Variants in CACNA1C observed in about 807,000 individuals in gnomAD.
CACNA1C encodes voltage-dependent L-type calcium channel subunit alpha-1C.
Under a neutral mutation model 229.0 loss-of-function variants are expected in CACNA1C, and 30 were observed. That is an observed-to-expected ratio of 0.13 (90% CI 0.10 to 0.18). The LOEUF (loss-of-function observed/expected upper bound fraction) is 0.18. Among genes scored for constraint, CACNA1C ranks in the 10% least tolerant of loss-of-function variants. The pLI, the probability that CACNA1C is intolerant of heterozygous loss-of-function variation, is 1.00. For synonymous variants in CACNA1C, 1,114 were observed against 1,132.5 expected (o/e 0.98, Z 0.33); for missense variants, 1,658 against 2,845.0 (o/e 0.58, Z 9.49).
At chr12:2,423,820 C>G (rs897625357) in intron 3 of CACNA1C, among the ~76,000 whole-genome samples, 4 of 152,140 alleles carry the variant, frequency 2.6e-5, no homozygotes, top group Non-Finnish European at 5.9e-5. Flanking sequence ...GAGATGTTTT[C>G]CCCATCTAGC....
chr12:2,676,787 A>G (rs1057383711), intron 39 of CACNA1C: 8 of 198,960 alleles, frequency 4.0e-5, no homozygotes, highest in African/African-American at 1.9e-4. Flanking sequence ...CATAAAAAAA[A>G]CAGGAGATAA....
intron 11 of CACNA1C, among the ~76,000 whole-genome samples, chr12:2,565,196 C>G (rs550770618): frequency 4.6e-5 from 7 of 151,966 alleles, no homozygotes; most frequent in Non-Finnish European, 1.0e-4. Context: ...CGGCCGGGCG[C>G]GGTGGCTCAC....
Position 2,567,642 on chromosome 12 carries a change from G to A in CACNA1C, c.1743G>A (p.Gln581=), listed in dbSNP as rs2154593425. Reference sequence around the variant, plus strand: ...TGAAGATGTACAGCCTGGGCCTGCAGGCCTACTTCGTGTCCCTCTTCAACC... The same window carrying A: ...TGAAGATGTACAGCCTGGGCCTGCAAGCCTACTTCGTGTCCCTCTTCAACC... ...MLLKMYSLGL[Q]AYFVSLFNRF... Residue 581 remains glutamine (Q), a synonymous_variant, in exon 13 of 47, where the codon CAG becomes CAA. Coordinates refer to ENST00000399655, the MANE Select transcript of CACNA1C (RefSeq NM_000719.7). 1 of 1,612,826 alleles carries A rather than the reference G, an allele frequency of 6.2e-7. No homozygotes were observed.
intron 3 of CACNA1C, among the ~76,000 whole-genome samples, chr12:2,203,905 C>T (rs576288976): frequency 5.3e-5 from 8 of 152,328 alleles, no homozygotes; most frequent in African/African-American, 1.4e-4. Flanking sequence ...GTCCCCGGCA[C>T]AGGTCTTTGC....
chr12:2,097,521 A>G (rs556268231), intron 1 of CACNA1C, among the ~76,000 whole-genome samples: 5 of 152,326 alleles, frequency 3.3e-5, no homozygotes, highest in African/African-American at 4.8e-5. Flanking sequence ...CACCAGCAAC[A>G]CATGAAGTTT....
At chr12:2,000,940 G>A (rs1258077872) in intron 1 of CACNA1C, among the ~76,000 whole-genome samples, 1 of 152,120 alleles carries the variant, frequency 6.6e-6, no homozygotes, top group East Asian at 1.9e-4. Flanking sequence ...TGGAGGCTGA[G>A]GCAGGAGAAT....
chr12:1,993,352 C>T (rs766729976), intron 1 of CACNA1C: 2 of 1,613,992 alleles, frequency 1.2e-6, no homozygotes, highest in Non-Finnish European at 1.7e-6. Flanking sequence ...CCATGCTCAG[C>T]CTATTCATAA....
intron 1 of CACNA1C, among the ~76,000 whole-genome samples, chr12:2,083,587 T>C (rs933837038): frequency 1.3e-5 from 2 of 152,348 alleles, no homozygotes; most frequent in African/African-American, 4.8e-5. Context: ...CAGCTGTAGA[T>C]TGGTGATATT....
chr12:2,316,875 G>T (rs139386307), intron 3 of CACNA1C, among the ~76,000 whole-genome samples: 2 of 152,286 alleles, frequency 1.3e-5, no homozygotes, highest in Non-Finnish European at 2.9e-5. Flanking sequence ...GGACACTACC[G>T]GCTGACTGCT....
rs57084902 is a variant in CACNA1C, at chr12:2,669,293, T to G, written c.4726+258T>G. On this transcript the variant is annotated intron_variant, in intron 38 of 46. Coordinates refer to ENST00000399655, the MANE Select transcript of CACNA1C (RefSeq NM_000719.7). ...CTTCTCTGGGCCACATTGGAAGAAT[T>G]GTCTTGGGCCACACATAAAATACAC... Among the ~76,000 whole-genome samples, 7,349 of 152,128 alleles carry G rather than the reference T, an allele frequency of 0.048. 567 individuals carry two copies. The highest frequency in any genetic ancestry group is 0.17 in the African/African-American group (6,950 of 41,452).
At chr12:2,166,633 T>A (rs151054999) in intron 3 of CACNA1C, among the ~76,000 whole-genome samples, 3 of 152,358 alleles carry the variant, frequency 2.0e-5, no homozygotes, top group Non-Finnish European at 4.4e-5. Context: ...GGCAGCAATG[T>A]AATGTATCCC....
At chr12:2,500,982 G>A (rs372895600) in intron 7 of CACNA1C, among the ~76,000 whole-genome samples, 12 of 151,540 alleles carry the variant, frequency 7.9e-5, no homozygotes, top group East Asian at 1.9e-4. Flanking sequence ...CGAGGTGGGC[G>A]GATCACGAGG....
At chr12:2,052,139 G>C (rs1428302602), upstream of CACNA1C, among the ~76,000 whole-genome samples, 13 of 152,202 alleles carry the variant, frequency 8.5e-5, no homozygotes, top group Non-Finnish European at 4.4e-5. Context: ...GAGAGGTGCT[G>C]GATAGATTCC....
Position 2,605,710 on chromosome 12 carries a change from G to A in CACNA1C, c.3080G>A (p.Arg1027Gln), listed in dbSNP as rs2153427022. ...GTTCAGTGTGTGTTTGTCGCCATCC[G>A]GACCATCGGGAACATCGTGATTGTC... ...HVVQCVFVAIRTIGNIVIVTT... is the reference protein window; with the variant it reads ...HVVQCVFVAIQTIGNIVIVTT... The change falls in exon 24 of 47, where the codon CGG (arginine) becomes CAG (glutamine). Residue 1027 changes from arginine (R) to glutamine (Q), a missense_variant. Arg to Gln is a conservative substitution (Grantham distance 43). Coordinates refer to ENST00000399655, the MANE Select transcript of CACNA1C (RefSeq NM_000719.7). The surrounding 1 kb of genome is among the most constrained non-coding windows in gnomAD (Gnocchi z 6.2). 1.2e-6 allele frequency: 2 copies of A among 1,613,828 alleles called. No homozygotes were observed. The highest frequency in any genetic ancestry group is 1.7e-6 in the Non-Finnish European group (2 of 1,179,814).
intron 7 of CACNA1C, among the ~76,000 whole-genome samples, chr12:2,496,133 C>T (rs530395943): frequency 5.9e-5 from 9 of 152,160 alleles, no homozygotes; most frequent in African/African-American, 1.4e-4. Context: ...GCTCTAAAGT[C>T]GGGGCCCCAG....
intron 13 of CACNA1C, among the ~76,000 whole-genome samples, chr12:2,579,923 G>A (rs762887995): frequency 2.0e-5 from 3 of 152,200 alleles, no homozygotes; most frequent in Non-Finnish European, 2.9e-5. Flanking sequence ...CACCGGGCAG[G>A]CTTGGGAAAA....
intron 19 of CACNA1C, among the ~76,000 whole-genome samples, chr12:2,594,069 A>T: frequency 6.6e-6 from 1 of 152,198 alleles, no homozygotes; most frequent in East Asian, 1.9e-4. Flanking sequence ...TGTCATTCCA[A>T]CTATGGTTTC....
At chr12:2,468,844 C>G (rs2099574601) in intron 5 of CACNA1C, among the ~76,000 whole-genome samples, 1 of 152,212 alleles carries the variant, frequency 6.6e-6, no homozygotes, top group Non-Finnish European at 1.5e-5. Context: ...CCTCAGCCTC[C>G]TCACCTGCAA....
chr12:2,276,986 C>T (rs183430464), intron 3 of CACNA1C, among the ~76,000 whole-genome samples: 15 of 152,218 alleles, frequency 9.9e-5, no homozygotes, highest in African/African-American at 3.6e-4. Context: ...GCCTCTGCCA[C>T]GGCCTAGACT....
Sources: gnomAD v4.1 joint callset for allele counts (sites outside exome capture counted in the v4.1 genomes callset) on GRCh38, gnomAD v4.1.1 for gene constraint, Gnocchi (gnomAD v3.1) non-coding constraint, MANE v1.5 for transcripts, NCBI Gene and HGNC (gene_info 2026-07-23, HGNC 2026-07-21) for gene names.